The following LRRC37A2 variants were observed in gnomAD, a reference collection of about 807,000 sequenced individuals.
The protein encoded by LRRC37A2 is leucine-rich repeat-containing protein 37A2.
In LRRC37A2, 9 loss-of-function variants were observed where a neutral mutation model predicts 68.8. The observed-to-expected ratio is 0.13, with a 90% CI of 0.08 to 0.23. LRRC37A2 has a LOEUF of 0.23. Among genes scored for constraint, LRRC37A2 ranks in the 10% least tolerant of loss-of-function variants. The probability of loss-of-function intolerance (pLI) is 1.00; values close to 1 mark genes in which losing one functional copy is unlikely to be tolerated. For missense variants in LRRC37A2, 168 were observed against 950.4 expected (o/e 0.18, Z 10.82); for synonymous variants, 63 against 367.6 (o/e 0.17, Z 9.48).
At chr17:46,872,489 C>T in the LRRC37A2 span, 1 of 1,463,958 alleles carries the variant, frequency 6.8e-7, no homozygotes, top group Non-Finnish European at 9.1e-7. Flanking sequence ...CCAAGGCTCA[C>T]CTGTCTCCCT....
the LRRC37A2 span, chr17:46,755,382 A>C: frequency 8.1e-6 from 13 of 1,608,638 alleles, no homozygotes; most frequent in Non-Finnish European, 1.1e-5. Context: ...AAGTACATAC[A>C]ACATTTAATG....
the LRRC37A2 span, among the ~76,000 whole-genome samples, chr17:46,761,892 C>A: frequency 6.6e-6 from 1 of 152,138 alleles, no homozygotes; most frequent in Non-Finnish European, 1.5e-5. Flanking sequence ...GAGAGGGTGC[C>A]CATCCCCAGA....
the LRRC37A2 span, among the ~76,000 whole-genome samples, chr17:46,478,721 G>T: frequency 8.7e-3 from 971 of 111,876 alleles, 35 homozygotes; most frequent in African/African-American, 0.027. Context: ...ACGCATGTCA[G>T]ATATGGTCAA....
At chr17:46,964,482 C>A in the LRRC37A2 span, 36 of 152,506 alleles carry the variant, frequency 2.4e-4, no homozygotes, top group African/African-American at 8.7e-4. Flanking sequence ...GCCAAGTGTT[C>A]AGCACCACGG....
the LRRC37A2 span, chr17:47,018,329 G>C: frequency 6.8e-6 from 11 of 1,611,578 alleles, no homozygotes; most frequent in Non-Finnish European, 9.3e-6. Flanking sequence ...CTCTGACCCA[G>C]CAGGAGACCC....
At chr17:46,809,392 C>T in the LRRC37A2 span, among the ~76,000 whole-genome samples, 1 of 152,232 alleles carries the variant, frequency 6.6e-6, no homozygotes, top group Non-Finnish European at 1.5e-5. Flanking sequence ...AAGTGGGACT[C>T]TGTGCCCAGG....
chr17:46,732,847 G>A, the LRRC37A2 span, among the ~76,000 whole-genome samples: 55 of 152,218 alleles, frequency 3.6e-4, no homozygotes, highest in Non-Finnish European at 6.2e-4. Context: ...GAGCCAAGCC[G>A]GAAAAAAGGG....
chr17:46,610,093 CTCTCTT>C, the LRRC37A2 span, among the ~76,000 whole-genome samples: 1 of 41,214 alleles, frequency 2.4e-5, no homozygotes, highest in Non-Finnish European at 5.3e-5. Context: ...TCTTTCTTTT[CTCTCTT>C]TCTCTCTCTC....
chr17:46,888,728 A>G, the LRRC37A2 span, among the ~76,000 whole-genome samples: 1 of 152,308 alleles, frequency 6.6e-6, no homozygotes, highest in Non-Finnish European at 1.5e-5. Context: ...AGGAAGGGAC[A>G]GAACTCTCTC....
At chr17:46,796,337 G>A in the LRRC37A2 span, among the ~76,000 whole-genome samples, 1 of 152,196 alleles carries the variant, frequency 6.6e-6, no homozygotes, top group South Asian at 2.1e-4. Flanking sequence ...CATCCTCTAT[G>A]CCAGGCACTG....
the LRRC37A2 span, among the ~76,000 whole-genome samples, chr17:46,814,058 T>C: frequency 6.6e-6 from 1 of 152,188 alleles, no homozygotes; most frequent in African/African-American, 2.4e-5. Context: ...CTGCCTCTTT[T>C]GACCTCATCG....
the LRRC37A2 span, among the ~76,000 whole-genome samples, chr17:46,758,994 C>T: frequency 6.6e-6 from 1 of 152,184 alleles, no homozygotes; most frequent in Non-Finnish European, 1.5e-5. Flanking sequence ...CACCTGAGGT[C>T]AGGAGTTCGA....
chr17:46,386,365 C>CTGGG, the LRRC37A2 span, among the ~76,000 whole-genome samples: 36 of 86,238 alleles, frequency 4.2e-4, 1 homozygote, highest in African/African-American at 1.5e-3. Context: ...TCTCGAAGTG[C>CTGGG]TGGGATTACA....
At chr17:46,957,633 CAAACAA>C in the LRRC37A2 span, among the ~76,000 whole-genome samples, 1 of 152,030 alleles carries the variant, frequency 6.6e-6, no homozygotes, top group African/African-American at 2.4e-5. Flanking sequence ...AACAAACAAA[CAAACAA>C]AACCCAGACA....
the LRRC37A2 span, among the ~76,000 whole-genome samples, chr17:47,022,168 C>CTCTTTT: frequency 1.5e-4 from 3 of 19,714 alleles, no homozygotes; most frequent in Non-Finnish European, 2.9e-4. Context: ...TTTTTGTTCT[C>CTCTTTT]TTTTTTTTTT....
chr17:46,418,241 G>A, the LRRC37A2 span, among the ~76,000 whole-genome samples: 11 of 66,726 alleles, frequency 1.6e-4, 4 homozygotes, highest in African/African-American at 2.5e-4. Flanking sequence ...GTGTGCGCGC[G>A]CGCGTGTGTG....
At chr17:47,017,070 G>C in the LRRC37A2 span, 1 of 1,390,214 alleles carries the variant, frequency 7.2e-7, no homozygotes, top group East Asian at 2.5e-5. Context: ...GCGTGCTTGG[G>C]CGGGATTGTG....
At chr17:46,958,290 A>C in the LRRC37A2 span, among the ~76,000 whole-genome samples, 1 of 152,224 alleles carries the variant, frequency 6.6e-6, no homozygotes, top group Non-Finnish European at 1.5e-5. Flanking sequence ...ATAAGGAGAA[A>C]TATGGGACAC....
At chr17:46,558,348 C>T (rs1239245160), downstream of LRRC37A2, among the ~76,000 whole-genome samples, 1 of 109,534 alleles carries the variant, frequency 9.1e-6, no homozygotes, top group Admixed American at 9.1e-5. Context: ...GTGCGAGCTA[C>T]CGCGCCTGGC....
Sources: gnomAD v4.1 joint callset for allele counts (sites outside exome capture counted in the v4.1 genomes callset) on GRCh38, gnomAD v4.1.1 for gene constraint, MANE v1.5 for transcripts, NCBI Gene and HGNC (gene_info 2026-07-23, HGNC 2026-07-21) for gene names.